The following CTNNA3 variants were observed in gnomAD, a reference collection of about 807,000 sequenced individuals.
CTNNA3 encodes catenin alpha-3.
Under a neutral mutation model 95.7 loss-of-function variants are expected in CTNNA3, and 76 were observed. The observed-to-expected ratio is 0.79, with a 90% CI of 0.66 to 0.96. The LOEUF is 0.96. CTNNA3 is among the 40% of genes least tolerant of loss of function. CTNNA3 has a pLI of 0.00. For missense variants in CTNNA3, 1,191 were observed against 1,089.8 expected (o/e 1.09, Z -1.31); for synonymous variants, 431 against 374.4 (o/e 1.15, Z -1.74).
chr10:66,942,546 ATGTC>A (rs1211310536), intron 7 of CTNNA3, among the ~76,000 whole-genome samples: 7 of 115,238 alleles, frequency 6.1e-5, no homozygotes, highest in Middle Eastern at 3.7e-3. Context: ...CATTGCCATA[ATGTC>A]TCTCTCTCTC....
At chr10:67,060,498 T>C (rs1380994451) in intron 7 of CTNNA3, among the ~76,000 whole-genome samples, 2 of 152,232 alleles carry the variant, frequency 1.3e-5, no homozygotes, top group Non-Finnish European at 2.9e-5. Context: ...GCTCATCAAA[T>C]ATTCCAGTTA....
At chr10:67,299,646 G>A (rs894043312) in intron 5 of CTNNA3, among the ~76,000 whole-genome samples, 1 of 152,242 alleles carries the variant, frequency 6.6e-6, no homozygotes. Flanking sequence ...AATTACAGCT[G>A]GTCTCAGTAT....
At chr10:67,261,719 TA>T (rs1362533287) in intron 5 of CTNNA3, among the ~76,000 whole-genome samples, 2 of 152,222 alleles carry the variant, frequency 1.3e-5, no homozygotes, top group African/African-American at 4.8e-5. Flanking sequence ...AAAATATTTT[TA>T]TTGTCTCTAT....
intron 12 of CTNNA3, among the ~76,000 whole-genome samples, chr10:66,369,955 A>G (rs1322194809): frequency 6.6e-6 from 1 of 152,098 alleles, no homozygotes; most frequent in Non-Finnish European, 1.5e-5. Flanking sequence ...AAAAATTGGC[A>G]TGAAAGACAT....
rs947913686 is a variant in CTNNA3, at chr10:67,577,722, GTA to G, written c.292+29133_292+29134del. Among the ~76,000 whole-genome samples the G allele has an allele frequency of 7.1e-3, 1,045 of 146,778 alleles. 25 individuals carry two copies. The highest frequency in any genetic ancestry group is 0.025 in the African/African-American group (975 of 38,826). On this transcript the variant is annotated intron_variant, in intron 3 of 17. Coordinates refer to ENST00000433211, the MANE Select transcript of CTNNA3 (RefSeq NM_013266.4). ...CACATATGTGTGTGTGTGTGTGTGT[GTA>G]TATATACTACATTTTCTTTATCCAT...
intron 7 of CTNNA3, among the ~76,000 whole-genome samples, chr10:66,784,416 C>A (rs1256789899): frequency 6.6e-6 from 1 of 152,044 alleles, no homozygotes; most frequent in Admixed American, 6.6e-5. Flanking sequence ...TTTGTGCAGA[C>A]ATCTTAAATT....
chr10:66,360,219 C>T (rs2092643321), intron 12 of CTNNA3, among the ~76,000 whole-genome samples: 1 of 151,564 alleles, frequency 6.6e-6, no homozygotes, highest in South Asian at 2.1e-4. Flanking sequence ...TAAACTCAGT[C>T]AATTTCTCAT....
rs188048674 is a variant in CTNNA3 at position 67,268,252 on chromosome 10, C to T, written c.580-48382G>A. Among the ~76,000 whole-genome samples the T allele has an allele frequency of 1.9e-4, 29 of 151,296 alleles. No individual in the cohort carries two copies. The East Asian group carries it at 4.1e-3, about 21-fold the overall frequency. ...AGGCGAAGGCAGGAGGATTGATTGA[C>T]GCCAGGAGTTTGATACCAGACTAGG... On this transcript the variant is annotated intron_variant, in intron 5 of 17. Coordinates refer to ENST00000433211, the MANE Select transcript of CTNNA3 (RefSeq NM_013266.4).
intron 7 of CTNNA3, among the ~76,000 whole-genome samples, chr10:67,038,648 T>C (rs1045696493): frequency 9.2e-5 from 14 of 152,090 alleles, no homozygotes; most frequent in African/African-American, 3.4e-4. Context: ...ACCAAGTACT[T>C]GTCAACCAAG....
At chr10:67,012,428 A>G (rs1852397050) in intron 7 of CTNNA3, 1 of 152,206 alleles carries the variant, frequency 6.6e-6, no homozygotes, top group Non-Finnish European at 1.5e-5. Flanking sequence ...TTGATATAAT[A>G]TAAATTGTTA....
At chr10:67,591,941 C>A (rs10082531) in intron 3 of CTNNA3, among the ~76,000 whole-genome samples, 15,656 of 152,094 alleles carry the variant, frequency 0.1, 1,603 homozygotes, top group African/African-American at 0.26. Flanking sequence ...GATGGGTCCC[C>A]AGTGAAACCC....
At chr10:66,436,886 G>A (rs2093341860) in intron 11 of CTNNA3, among the ~76,000 whole-genome samples, 1 of 152,130 alleles carries the variant, frequency 6.6e-6, no homozygotes, top group Admixed American at 6.6e-5. Flanking sequence ...AGACCTGGTG[G>A]TGACAAAATC....
chr10:67,716,931 CCCA>C (rs1179395498), intron 1 of CTNNA3, among the ~76,000 whole-genome samples: 2 of 152,196 alleles, frequency 1.3e-5, no homozygotes, highest in African/African-American at 2.4e-5. Flanking sequence ...AATTTACACT[CCCA>C]CCAACAGTGT....
intron 1 of CTNNA3, among the ~76,000 whole-genome samples, chr10:67,663,525 C>T (rs1368976102): frequency 2.6e-5 from 4 of 152,052 alleles, no homozygotes; most frequent in Non-Finnish European, 5.9e-5. Flanking sequence ...CTCTGCACAA[C>T]GGCCTCCCTC....
chr10:66,767,453 C>T (rs1173407636), intron 8 of CTNNA3, among the ~76,000 whole-genome samples: 5 of 49,660 alleles, frequency 1.0e-4, no homozygotes, highest in African/African-American at 1.2e-4. Context: ...CCACTCCCCC[C>T]GACAAAAAAA....
Position 66,555,208 on chromosome 10 carries a change from CA to C in CTNNA3, c.1375-34436del, listed in dbSNP as rs936775111. 3.3e-5 allele frequency among the ~76,000 whole-genome samples: 5 copies of C among 152,222 alleles called. No individual in the cohort carries two copies. The East Asian group carries it at 9.7e-4, about 29-fold the overall frequency. Reference sequence around the variant, plus strand: ...GTTCTTCAAGGTCCCAGCCAAAAAACAAAACAAAACAAAGTTGTGGTGATCT... The same window carrying C: ...GTTCTTCAAGGTCCCAGCCAAAAAACAAACAAAACAAAGTTGTGGTGATCT... On this transcript the variant is annotated intron_variant, in intron 10 of 17. Coordinates refer to ENST00000433211, the MANE Select transcript of CTNNA3 (RefSeq NM_013266.4).
At chr10:65,926,206 A>C (rs997091031) in intron 17 of CTNNA3, among the ~76,000 whole-genome samples, 2 of 151,582 alleles carry the variant, frequency 1.3e-5, no homozygotes, top group Non-Finnish European at 2.9e-5. Flanking sequence ...ATTACATATA[A>C]ATATCACAGT....
intron 11 of CTNNA3, among the ~76,000 whole-genome samples, chr10:66,423,014 T>TC (rs1439037819): frequency 6.6e-6 from 1 of 152,100 alleles, no homozygotes; most frequent in East Asian, 1.9e-4. Context: ...AATCCATTAA[T>TC]CAACCACTAC....
At chr10:66,276,082 T>A (rs1038634056) in intron 13 of CTNNA3, among the ~76,000 whole-genome samples, 8 of 152,170 alleles carry the variant, frequency 5.3e-5, no homozygotes, top group African/African-American at 1.9e-4. Flanking sequence ...TGTAAATTTA[T>A]CTTATTTTTC....
Sources: gnomAD v4.1 joint callset for allele counts (sites outside exome capture counted in the v4.1 genomes callset) on GRCh38, gnomAD v4.1.1 for gene constraint, MANE v1.5 for transcripts, NCBI Gene and HGNC (gene_info 2026-07-23, HGNC 2026-07-21) for gene names.